The following FRA10AC1 variants were observed in gnomAD, a reference collection of about 807,000 sequenced individuals.
FRA10AC1 encodes FRA10A associated CGG repeat 1.
FRA10AC1 carries 43 observed loss-of-function variants against 56.5 expected under a neutral mutation model. The observed-to-expected ratio is 0.76, with a 90% CI of 0.60 to 0.98. The LOEUF is 0.98. Among genes scored for constraint, FRA10AC1 ranks in the 50% least tolerant of loss-of-function variants. The probability of loss-of-function intolerance (pLI) is 0.00; values close to 1 mark genes in which losing one functional copy is unlikely to be tolerated. For missense variants in FRA10AC1, 346 were observed against 351.8 expected, an observed-to-expected ratio of 0.98 and a Z score of 0.13; for synonymous variants, 112 against 110.5, an observed-to-expected ratio of 1.01 and a Z score of -0.09.
At chr10:93,682,491 G>T (rs1008967534) in intron 10 of FRA10AC1, among the ~76,000 whole-genome samples, 59 of 152,162 alleles carry the variant, frequency 3.9e-4, no homozygotes, top group Non-Finnish European at 1.9e-4. Flanking sequence ...TAAAGGTTTA[G>T]GCTATTCCAG....
intron 9 of FRA10AC1, among the ~76,000 whole-genome samples, chr10:93,685,018 C>A (rs554773858): frequency 2.0e-5 from 3 of 152,180 alleles, no homozygotes; most frequent in Admixed American, 2.0e-4. Context: ...CTACAAATTA[C>A]CAGTTTACAT....
chr10:93,680,439 T>A (rs1404871568), intron 11 of FRA10AC1, among the ~76,000 whole-genome samples: 1 of 152,136 alleles, frequency 6.6e-6, no homozygotes, highest in Non-Finnish European at 1.5e-5. Flanking sequence ...TTTTACGAAG[T>A]CTAAAGGTTG....
chr10:93,702,606 CACGTGTTACATCTAAAT>C (rs2059364245), upstream of FRA10AC1: 1 of 216,634 alleles, frequency 4.6e-6, no homozygotes, highest in Non-Finnish European at 9.2e-6. Flanking sequence ...CCGACACGGC[CACGTGTTACATCTAAAT>C]GGCACCGTCC....
At chr10:93,699,972 A>G in intron 2 of FRA10AC1, 58 bp downstream of exon 2, 3 of 909,122 alleles carry the variant, frequency 3.3e-6, no homozygotes, top group South Asian at 1.4e-5. Flanking sequence ...GTTTATTTAT[A>G]CTTCATATTA....
At chr10:93,676,785 G>C in intron 11 of FRA10AC1, 94 bp from the exon 12 acceptor site, 1 of 1,414,372 alleles carries the variant, frequency 7.1e-7, no homozygotes, top group Non-Finnish European at 9.3e-7. Flanking sequence ...ATTCTAGTTT[G>C]CTTATAGTCT....
At chr10:93,697,358 T>C (rs573775165) in intron 4 of FRA10AC1, among the ~76,000 whole-genome samples, 131 of 152,320 alleles carry the variant, frequency 8.6e-4, no homozygotes, top group Admixed American at 2.3e-3. Flanking sequence ...GGTACTTCTA[T>C]AACTTAAAAG....
intron 10 of FRA10AC1, 144 bp from the exon 11 acceptor site, chr10:93,681,742 CTG>C (rs2058939093): frequency 2.9e-6 from 2 of 683,296 alleles, no homozygotes; most frequent in African/African-American, 3.8e-5. Flanking sequence ...TTAAGTGAGA[CTG>C]TAAATATTTT....
chr10:93,693,507 TACACC>T (rs1303638358), intron 5 of FRA10AC1, among the ~76,000 whole-genome samples: 1,423 of 25,208 alleles, frequency 0.056, 103 homozygotes, highest in African/African-American at 0.082. Flanking sequence ...TATATATATA[TACACC>T]ATATATATAT....
intron 4 of FRA10AC1, among the ~76,000 whole-genome samples, chr10:93,695,287 A>T (rs2059212825): frequency 6.6e-6 from 1 of 152,026 alleles, no homozygotes; most frequent in Admixed American, 6.5e-5. Flanking sequence ...TGAAAAATTT[A>T]AAAATTATAG....
At position 93,687,453 on chromosome 10, in the gene FRA10AC1, A is replaced by G; in HGVS notation, c.466-4T>C. The G allele has an allele frequency of 5.3e-6, 8 of 1,509,120 alleles. No individual in the cohort carries two copies. The highest frequency in any genetic ancestry group is 7.2e-6 in the Non-Finnish European group (8 of 1,113,372). The allele number at this position is 1,509,120 out of a possible 1,614,324, so 93.5% of individuals were successfully genotyped here. ...CTACTCGCCACCTAAATCCAAACTG[A>G]TAATAAAAAAATTACATTTATGCCA... On this transcript the variant is annotated splice_polypyrimidine_tract_variant and splice_region_variant and intron_variant, in intron 7 of 13. Transcript: ENST00000359204.
At chr10:93,702,932 A>G (rs2059369030), upstream of FRA10AC1, 1 of 454,728 alleles carries the variant, frequency 2.2e-6, no homozygotes, top group East Asian at 7.0e-5. Flanking sequence ...CTCTCAGAGC[A>G]GCTCATCAGC....
intron 11 of FRA10AC1, 48 bp from the exon 12 acceptor site, chr10:93,676,739 G>T: frequency 6.6e-7 from 1 of 1,515,158 alleles, no homozygotes; most frequent in South Asian, 1.3e-5. Flanking sequence ...TTGTAATAGT[G>T]CAATCATTGT....
At chr10:93,693,673 C>CAT (rs368987348) in intron 5 of FRA10AC1, among the ~76,000 whole-genome samples, 4,005 of 92,072 alleles carry the variant, frequency 0.043, 319 homozygotes, top group African/African-American at 0.079. Context: ...ATATATACAC[C>CAT]ATATATATAT....
At position 93,700,167 on chromosome 10, in the gene FRA10AC1, T is replaced by A. The variant is rs1176298029; in HGVS notation, c.1-61A>T. The A allele has an allele frequency of 1.1e-5, 11 of 962,112 alleles. No individual in the cohort carries two copies. In the Admixed American group the frequency reaches 1.6e-4, roughly 14 times the overall value. 59.6% of individuals were successfully genotyped at this position (962,112 alleles called of 1,614,324 possible). A position where few individuals can be genotyped will look rare whatever the true frequency, so the allele number is the denominator to read the frequency against. On this transcript the variant is annotated intron_variant, in intron 1 of 13. Transcript: ENST00000359204. ...ATGTTGCCAATTGTCCAGGAAACAA[T>A]AATTCAAAAATAAGTTATCTTAAAC...
At position 93,668,807 on chromosome 10, in the gene FRA10AC1, C is replaced by G. The variant is rs1284515305; in HGVS notation, c.*1019G>C. The G allele has an allele frequency of 6.6e-6, 1 of 152,156 alleles. No individual in the cohort carries two copies. Among genetic ancestry groups the G allele is most frequent in the African/African-American group, 2.4e-5 (1 of 41,418 alleles). 9.4% of individuals were successfully genotyped at this position (152,156 alleles called of 1,614,324 possible). A position where few individuals can be genotyped will look rare whatever the true frequency, so the allele number is the denominator to read the frequency against. On this transcript the variant is annotated 3_prime_UTR_variant, in exon 14 of 14. Transcript: ENST00000359204. ...TCAAATTATCTCTCACTGGATCCCTCCTATAAAATGTGGGAATTATGGGAG... is the reference window on the plus strand; with the variant it reads ...TCAAATTATCTCTCACTGGATCCCTGCTATAAAATGTGGGAATTATGGGAG...
chr10:93,679,639 T>C (rs1343810529), intron 11 of FRA10AC1, among the ~76,000 whole-genome samples: 1 of 152,164 alleles, frequency 6.6e-6, no homozygotes, highest in East Asian at 1.9e-4. Context: ...ACAAGCCTTG[T>C]ATAGTACACA....
In FRA10AC1 at chr10:93,669,858, A is replaced by G. The variant is rs774567501; in HGVS notation, c.916T>C (p.Phe306Leu). ...AACAAATCCTGAAAATACTCATCAA[A>G]TTCTTCTTCCCTATTTAAAAAAAAA... is the stretch of plus-strand genomic sequence containing the variant. Reference protein sequence around the residue: ...ETDEKSQEEEFDEYFQDLFL With the variant: ...ETDEKSQEEELDEYFQDLFL The change falls in exon 14 of 14, where the codon TTT becomes CTT. Residue 306 changes from phenylalanine (F) to leucine (L), a missense_variant. Transcript: ENST00000359204. 1.3e-5 allele frequency: 20 copies of G among 1,573,092 alleles called. No individual in the cohort carries two copies. The highest frequency in any genetic ancestry group is 1.6e-5 in the Non-Finnish European group (18 of 1,150,412).
chr10:93,692,666 C>G lies in FRA10AC1; in HGVS notation c.360G>C (p.Glu120Asp), dbSNP rs1236859861. The change falls in exon 6 of 14, where the codon GAG becomes GAC. Residue 120 changes from glutamate (E) to aspartate (D), a missense_variant. Physicochemically the swap from Glu to Asp is conservative, Grantham distance 45 (BLOSUM62 2). Transcript: ENST00000359204. Reference protein sequence around the residue: ...RENHRFLWNEEDEMDMTWEKR... With the variant: ...RENHRFLWNEDDEMDMTWEKR... ...ATTACCAAGTCATGTCCATTTCGTC[C>G]TCCTCATTCCATAGGAATCTATGAT... The G allele has an allele frequency of 6.3e-6, 10 of 1,597,894 alleles. No homozygotes were observed. Among genetic ancestry groups the G allele is most frequent in the African/African-American group, 1.4e-5 (1 of 73,956 alleles).
At chr10:93,685,554 G>T in intron 8 of FRA10AC1, 195 bp from the exon 9 acceptor site, 2 of 397,212 alleles carry the variant, frequency 5.0e-6, no homozygotes. Context: ...AAAAAAATCA[G>T]TCACAGAATT....
Sources: allele counts gnomAD v4.1 joint callset (sites outside exome capture counted in the v4.1 genomes callset), GRCh38; gene constraint gnomAD v4.1.1; transcripts MANE v1.5; gene names NCBI Gene and HGNC (gene_info 2026-07-23, HGNC 2026-07-21).